GALNT14: variants seen among roughly 807,000 people sequenced by gnomAD.
GALNT14 encodes UDP-GalNAc:polypeptide N-acetylgalactosaminyltransferase 14.
A neutral mutation model predicts 77.5 loss-of-function variants in GALNT14; 60 were observed. The observed-to-expected ratio is 0.77, with a 90% CI of 0.63 to 0.96. The LOEUF is 0.96. Among genes scored for constraint, GALNT14 ranks in the 40% least tolerant of loss-of-function variants. The pLI, the probability that GALNT14 is intolerant of heterozygous loss-of-function variation, is 0.00. For synonymous variants in GALNT14, 280 were observed against 281.7 expected (o/e 0.99, Z 0.06); for missense variants, 710 against 731.0 (o/e 0.97, Z 0.33).
At chr2:30,987,706 T>TTCCCCC (rs1669389982) in intron 2 of GALNT14, among the ~76,000 whole-genome samples, 1 of 124,730 alleles carries the variant, frequency 8.0e-6, no homozygotes, top group African/African-American at 3.1e-5. Flanking sequence ...GCCTTCCTCC[T>TTCCCCC]CCCTCCCCCT....
intron 1 of GALNT14, among the ~76,000 whole-genome samples, chr2:31,131,796 T>G (rs543261577): frequency 6.6e-6 from 1 of 152,162 alleles, no homozygotes; most frequent in Non-Finnish European, 1.5e-5. Context: ...TGACCTCTGA[T>G]GAGTGGAAAT....
the GALNT14 span, among the ~76,000 whole-genome samples, chr2:30,905,300 T>A: frequency 6.6e-6 from 1 of 151,730 alleles, no homozygotes; most frequent in Non-Finnish European, 1.5e-5. Context: ...GGCAAAGAAG[T>A]GGAAAACTTT....
At chr2:31,112,553 G>A (rs999107955) in intron 1 of GALNT14, among the ~76,000 whole-genome samples, 5 of 152,154 alleles carry the variant, frequency 3.3e-5, no homozygotes, top group South Asian at 2.1e-4. Context: ...TAGATGTCAC[G>A]ATCGTCAAAG....
intron 1 of GALNT14, among the ~76,000 whole-genome samples, chr2:31,067,402 C>T (rs1489959624): frequency 6.6e-6 from 1 of 152,168 alleles, no homozygotes; most frequent in African/African-American, 2.4e-5. Context: ...AGTGCAGAGG[C>T]ACAGGGGTCA....
intron 1 of GALNT14, among the ~76,000 whole-genome samples, chr2:31,044,690 G>T (rs1353487777): frequency 6.6e-6 from 1 of 152,076 alleles, no homozygotes; most frequent in African/African-American, 2.4e-5. Flanking sequence ...GGTCGAGGTG[G>T]GTGGTTTGCT....
intron 1 of GALNT14, among the ~76,000 whole-genome samples, chr2:31,083,957 C>T (rs1427242248): frequency 6.6e-6 from 1 of 152,120 alleles, no homozygotes; most frequent in Admixed American, 6.5e-5. Context: ...CCGGGGATCT[C>T]GCGGTTTTCT....
chr2:31,066,092 G>A (rs1674935997), intron 1 of GALNT14, among the ~76,000 whole-genome samples: 1 of 152,214 alleles, frequency 6.6e-6, no homozygotes, highest in South Asian at 2.1e-4. Context: ...GATCATAGCT[G>A]TAGGTGCCCA....
intron 1 of GALNT14, among the ~76,000 whole-genome samples, chr2:31,000,548 G>A (rs1670308218): frequency 6.6e-6 from 1 of 151,694 alleles, no homozygotes; most frequent in Non-Finnish European, 1.5e-5. Context: ...TGTGATTATG[G>A]AGGTACAAAT....
chr2:30,988,037 T>G (rs903250643), intron 2 of GALNT14, among the ~76,000 whole-genome samples: 1 of 152,218 alleles, frequency 6.6e-6, no homozygotes, highest in Non-Finnish European at 1.5e-5. Flanking sequence ...TCCTGATTCC[T>G]TCTACAAGGC....
At chr2:31,026,453 A>G (rs745838548) in intron 1 of GALNT14, among the ~76,000 whole-genome samples, 2 of 152,172 alleles carry the variant, frequency 1.3e-5, no homozygotes, top group East Asian at 3.9e-4. Context: ...CCCCAGACGG[A>G]CAAGGAGCGT....
intron 1 of GALNT14, among the ~76,000 whole-genome samples, chr2:31,126,086 G>C (rs1678687707): frequency 6.6e-6 from 1 of 152,198 alleles, no homozygotes; most frequent in Non-Finnish European, 1.5e-5. Context: ...TCAGATAGCG[G>C]TGAAAGCACA....
At chr2:31,129,572 G>A (rs917739827) in intron 1 of GALNT14, 9 of 985,204 alleles carry the variant, frequency 9.1e-6, no homozygotes, top group Non-Finnish European at 2.4e-6. Context: ...TGATCTCCCT[G>A]AGATCCTAGG....
intron 13 of GALNT14, among the ~76,000 whole-genome samples, chr2:30,922,889 T>C (rs1028121235): frequency 2.0e-5 from 3 of 152,164 alleles, no homozygotes; most frequent in African/African-American, 7.2e-5. Flanking sequence ...AGATAAGGAA[T>C]TTGTGAATCA....
intron 1 of GALNT14, among the ~76,000 whole-genome samples, chr2:31,046,402 G>A (rs1472712474): frequency 6.6e-6 from 1 of 151,878 alleles, no homozygotes; most frequent in East Asian, 1.9e-4. Flanking sequence ...AATTTTTTTT[G>A]TATTTTTAGT....
At chr2:30,987,804 G>A (rs555809962) in intron 2 of GALNT14, among the ~76,000 whole-genome samples, 71 of 147,964 alleles carry the variant, frequency 4.8e-4, no homozygotes, top group South Asian at 8.6e-4. Context: ...CCCAACACCC[G>A]CCCTCCTGGC....
At chr2:30,989,683 AT>A (rs1339712555) in intron 2 of GALNT14, among the ~76,000 whole-genome samples, 2 of 109,648 alleles carry the variant, frequency 1.8e-5, no homozygotes, top group Non-Finnish European at 4.0e-5. Flanking sequence ...TATATAAAAA[AT>A]ATATATTAGT....
At chr2:31,026,680 T>C (rs1672075680) in intron 1 of GALNT14, among the ~76,000 whole-genome samples, 1 of 152,178 alleles carries the variant, frequency 6.6e-6, no homozygotes, top group Non-Finnish European at 1.5e-5. Context: ...GGGGAGACTG[T>C]GGACCAGTCT....
chr2:30,924,750 G>C lies in GALNT14; in HGVS notation c.1225C>G (p.Pro409Ala), dbSNP rs199731528. 6.5e-4 allele frequency: 1,054 copies of C among 1,613,770 alleles called. No individual in the cohort carries two copies. The highest frequency in any genetic ancestry group is 8.3e-4 in the Non-Finnish European group (981 of 1,179,828). Residue 409 changes from proline (P) to alanine (A), a missense_variant, in exon 12 of 15, where the codon CCT (proline) becomes GCT (alanine). Transcript: ENST00000349752. ...SFKWYLENIY[P>A]ELSIPKESSI... ...AGGTAGGACGGATACCTGAGTTCAG[G>C]GTAGATATTCTCCAGGTACCACTTG...
intron 1 of GALNT14, among the ~76,000 whole-genome samples, chr2:31,025,732 G>A (rs999011443): frequency 2.0e-5 from 3 of 152,174 alleles, no homozygotes; most frequent in East Asian, 1.9e-4. Context: ...CAGGGTATGG[G>A]TGTACAGATA....
Sources: allele counts gnomAD v4.1 joint callset (sites outside exome capture counted in the v4.1 genomes callset), GRCh38; gene constraint gnomAD v4.1.1; transcripts MANE v1.5; gene names NCBI Gene and HGNC (gene_info 2026-07-23, HGNC 2026-07-21).